Variants in CILP observed in about 807,000 individuals in gnomAD.
The protein encoded by CILP is cartilage intermediate layer protein 1.
CILP carries 75 observed loss-of-function variants against 82.5 expected under a neutral mutation model. The observed-to-expected ratio is 0.91, with a 90% CI of 0.75 to 1.10. CILP has a LOEUF of 1.10. CILP is among the 50% of genes least tolerant of loss of function. The pLI, the probability that CILP is intolerant of heterozygous loss-of-function variation, is 0.00. For synonymous variants in CILP, 530 were observed against 580.3 expected (o/e 0.91, Z 1.25); for missense variants, 1,479 against 1,530.8 (o/e 0.97, Z 0.56).
At chr15:65,207,184 T>G (rs1471816391) in intron 3 of CILP, 133 bp from the exon 4 acceptor site, 14 of 960,940 alleles carry the variant, frequency 1.5e-5, no homozygotes, top group Non-Finnish European at 2.1e-5. Flanking sequence ...AATCCCCTCT[T>G]ACACCTGCCA....
rs776153945 is a variant in CILP at position 65,196,851 on chromosome 15, A to C, written c.3435T>G (p.Thr1145=). The C allele has an allele frequency of 1.4e-5, 23 of 1,613,792 alleles. No individual in the cohort carries two copies. In the East Asian group the frequency reaches 1.6e-4, roughly 11 times the overall value. Residue 1145 remains threonine (T), a synonymous_variant, in exon 9 of 9, where the codon ACT becomes ACG. Coordinates refer to ENST00000261883, the MANE Select transcript of CILP (RefSeq NM_003613.4). The part of the protein sequence containing the change: ...STPAQSPAAG[T]VQGRVPSRRQ... ...TCCTCGAGGGCACTCTTCCTTGGACAGTGCCTGCAGCAGGGGACTGGGCTG... is the reference window on the plus strand; with the variant it reads ...TCCTCGAGGGCACTCTTCCTTGGACCGTGCCTGCAGCAGGGGACTGGGCTG...
intron 8 of CILP, among the ~76,000 whole-genome samples, chr15:65,201,146 C>T (rs113798946): frequency 2.8e-4 from 42 of 151,958 alleles, no homozygotes; most frequent in Non-Finnish European, 5.7e-4. Context: ...GGATTACAGG[C>T]GCACGCCACC....
rs866951932 is a variant in CILP, at chr15:65,194,867, G to A, written c.*1864C>T. On this transcript the variant is annotated 3_prime_UTR_variant, in exon 9 of 9. Coordinates refer to ENST00000261883, the MANE Select transcript of CILP (RefSeq NM_003613.4). The stretch of plus-strand genomic sequence containing the variant: ...CTTCCCCAGCAACCCACCCCCCCCC[G>A]ACCCTCCCCCTCCCCCCGTGAGTTT... 2.7e-4 allele frequency: 9 copies of A among 33,698 alleles called. No individual in the cohort carries two copies. Among genetic ancestry groups the A allele is most frequent in the African/African-American group, 6.9e-4 (6 of 8,660 alleles). The allele number at this position is 33,698 out of a possible 1,614,324, so 2.1% of individuals were successfully genotyped here. A position where few individuals can be genotyped will look rare whatever the true frequency, so the allele number is the denominator to read the frequency against.
chr15:65,201,147 G>A (rs1370632247), intron 8 of CILP, among the ~76,000 whole-genome samples: 4 of 151,936 alleles, frequency 2.6e-5, no homozygotes, highest in African/African-American at 4.8e-5. Context: ...GATTACAGGC[G>A]CACGCCACCA....
Position 65,197,442 on chromosome 15 carries a change from C to T in CILP, c.2844G>A (p.Pro948=), listed in dbSNP as rs760366605. ...TEDYLAWWPK[P]MEFRACYIKV... Reference sequence around the variant, plus strand: ...TGATATAGCAGGCCCTGAATTCCATCGGCTTTGGCCACCATGCCAGATAGT... The same window carrying T: ...TGATATAGCAGGCCCTGAATTCCATTGGCTTTGGCCACCATGCCAGATAGT... Residue 948 remains proline (P), a synonymous_variant, in exon 9 of 9, where the codon CCG becomes CCA. Transcript: ENST00000261883. 28 of 1,614,132 alleles carry T rather than the reference C, an allele frequency of 1.7e-5. No homozygotes were observed. The highest frequency in any genetic ancestry group is 5.5e-5 in the South Asian group (5 of 91,092).
chr15:65,202,376 ATGTT>A (rs2088467932), intron 7 of CILP, among the ~76,000 whole-genome samples: 1 of 151,978 alleles, frequency 6.6e-6, no homozygotes, highest in Non-Finnish European at 1.5e-5. Context: ...TGGCTATAAA[ATGTT>A]TGTGAAGGAT....
At position 65,198,931 on chromosome 15, in the gene CILP, TGCACAGCATCACG is replaced by T. The variant is rs1439625830; in HGVS notation, c.1342_1354del (p.Asp449ThrfsTer65). The T allele has an allele frequency of 6.2e-7, 1 of 1,614,094 alleles. No homozygotes were observed. Among genetic ancestry groups the T allele is most frequent in the Non-Finnish European group, 8.5e-7 (1 of 1,180,034 alleles). On this transcript the variant is annotated frameshift_variant, in exon 9 of 9. Coordinates refer to ENST00000261883, the MANE Select transcript of CILP (RefSeq NM_003613.4). LOFTEE classifies it high-confidence loss of function. Reference sequence around the variant, plus strand: ...TGTCTTGGAGATGCCACAGCAGTTCTGCACAGCATCACGGCACCTGATCCCATTATCCTGCTGC... The same window carrying T: ...TGTCTTGGAGATGCCACAGCAGTTCTGCACCTGATCCCATTATCCTGCTGC...
At chr15:65,211,007 A>C (rs541280173) in intron 1 of CILP, among the ~76,000 whole-genome samples, 24 of 152,310 alleles carry the variant, frequency 1.6e-4, no homozygotes, top group Admixed American at 3.9e-4. Flanking sequence ...GGCCTGAGAC[A>C]CCTTGTGGAA....
intron 5 of CILP, 92 bp from the exon 6 acceptor site, chr15:65,204,674 T>G: frequency 4.7e-6 from 6 of 1,283,702 alleles, no homozygotes; most frequent in Non-Finnish European, 6.3e-6. Flanking sequence ...TCCTTGGCCT[T>G]TGCTACCCTC....
intron 7 of CILP, 21 bp downstream of exon 7, chr15:65,203,341 G>T: frequency 6.4e-7 from 1 of 1,551,912 alleles, no homozygotes; most frequent in Non-Finnish European, 8.9e-7. Context: ...AATTGGGCAG[G>T]GTAGCTAGCA....
intron 5 of CILP, 104 bp downstream of exon 5, chr15:65,205,183 G>C: frequency 9.1e-7 from 1 of 1,094,124 alleles, no homozygotes; most frequent in Non-Finnish European, 1.3e-6. Flanking sequence ...TGGTGAGTAA[G>C]TAAATGAAGG....
At chr15:65,207,974 T>C (rs375553655) in intron 2 of CILP, among the ~76,000 whole-genome samples, 1 of 152,310 alleles carries the variant, frequency 6.6e-6, no homozygotes, top group African/African-American at 2.4e-5. Context: ...CACTAATAAT[T>C]GCTGCATCCT....
At position 65,196,869 on chromosome 15, in the gene CILP, C is replaced by T. The variant is rs776542657; in HGVS notation, c.3417G>A (p.Gln1139=). ...AFQYLQSTPA[Q]SPAAGTVQGR... ...CTTGGACAGTGCCTGCAGCAGGGGACTGGGCTGGGGTGCTTTGGAGGTACT... is the reference window on the plus strand; with the variant it reads ...CTTGGACAGTGCCTGCAGCAGGGGATTGGGCTGGGGTGCTTTGGAGGTACT... The change falls in exon 9 of 9, where the codon CAG becomes CAA. Residue 1139 remains glutamine, a synonymous_variant. Coordinates refer to ENST00000261883, the MANE Select transcript of CILP (RefSeq NM_003613.4). The T allele has an allele frequency of 6.2e-7, 1 of 1,613,904 alleles. No individual in the cohort carries two copies. Among genetic ancestry groups the T allele is most frequent in the Non-Finnish European group, 8.5e-7 (1 of 1,179,938 alleles).
intron 8 of CILP, among the ~76,000 whole-genome samples, chr15:65,199,675 C>T (rs1355049028): frequency 6.6e-6 from 1 of 152,060 alleles, no homozygotes; most frequent in Non-Finnish European, 1.5e-5. Context: ...ATACAAAAAT[C>T]AGCTGGGCAT....
chr15:65,202,026 A>T lies in CILP; in HGVS notation c.1032T>A (p.Tyr344Ter). The T allele has an allele frequency of 6.3e-7, 1 of 1,578,820 alleles. No homozygotes were observed. Among genetic ancestry groups the T allele is most frequent in the Non-Finnish European group, 8.6e-7 (1 of 1,163,162 alleles). The stretch of plus-strand genomic sequence containing the variant: ...AAGGATCCAGCAATGTGTCATTATG[A>T]TACCTGCAAGGGATGGAGAGGTAGA... ...GKPRPDKYFW[Y>*]HNDTLLDPSL... is the part of the protein sequence containing the mutation. The change falls in exon 8 of 9, where the codon TAT becomes TAA. Residue 344 changes from tyrosine (Y) to a stop codon, truncating the protein, a stop_gained. Coordinates refer to ENST00000261883, the MANE Select transcript of CILP (RefSeq NM_003613.4). LOFTEE classifies it high-confidence loss of function.
chr15:65,209,728 A>G lies in CILP; in HGVS notation c.28T>C (p.Ser10Pro). 6.2e-7 allele frequency: 1 copy of G among 1,614,122 alleles called. No individual in the cohort carries two copies. The highest frequency in any genetic ancestry group is 1.1e-5 in the South Asian group (1 of 91,078). The stretch of plus-strand genomic sequence containing the variant: ...GATGTGACTTCCAGGACCAGGAAGG[A>G]GAACACCCAGGCCTTGGTCCCCACC... MVGTKAWVF[S>P]FLVLEVTSVL... is the part of the protein sequence containing the mutation. The change falls in exon 2 of 9, where the codon TCC becomes CCC. Residue 10 changes from serine (S) to proline (P), a missense_variant. Ser to Pro is a moderately conservative substitution (Grantham distance 74). Transcript: ENST00000261883.
chr15:65,210,720 G>T (rs2088576753), intron 1 of CILP, among the ~76,000 whole-genome samples: 1 of 152,200 alleles, frequency 6.6e-6, no homozygotes, highest in South Asian at 2.1e-4. Flanking sequence ...GGAAAGGGAA[G>T]AGTCCTCCTC....
Position 65,205,293 on chromosome 15 carries a change from A to C in CILP, c.598T>G (p.Cys200Gly), listed in dbSNP as rs2088504852. The C allele has an allele frequency of 6.2e-7, 1 of 1,608,572 alleles. No individual in the cohort carries two copies. The highest frequency in any genetic ancestry group is 1.1e-5 in the South Asian group (1 of 90,616). ...EEGQHCMGQD[C>G]TACDLTCPMG... ...CCAGGAGGGAGGGTGGTACCTGTAC[A>C]GTCCTGGCCCATGCAGTGCTGACCC... The change falls in exon 5 of 9, where the codon TGT (cysteine) becomes GGT (glycine). Residue 200 changes from cysteine to glycine, a missense_variant. Transcript: ENST00000261883.
In CILP at chr15:65,203,420, G is replaced by A; in HGVS notation, c.970C>T (p.Gln324Ter). The part of the protein sequence containing the change: ...NPETKARRAG[Q>*]SVSLCCKATG... ...GCCTTACAGCACAGAGACACGCTCT[G>A]CCCAGCTCTCCGTGCTTTTGTCTCA... The change falls in exon 7 of 9, where the codon CAG becomes TAG. Residue 324 changes from glutamine (Q) to a stop codon, truncating the protein, a stop_gained. Transcript: ENST00000261883. LOFTEE classifies it high-confidence loss of function. The A allele has an allele frequency of 6.2e-7, 1 of 1,613,032 alleles. No individual in the cohort carries two copies.
Sources: allele counts gnomAD v4.1 joint callset (sites outside exome capture counted in the v4.1 genomes callset), GRCh38; gene constraint gnomAD v4.1.1; transcripts MANE v1.5; gene names NCBI Gene and HGNC (gene_info 2026-07-23, HGNC 2026-07-21).